Variants in SGTB observed in about 807,000 individuals in gnomAD.
The protein encoded by SGTB is small glutamine rich tetratricopeptide repeat co-chaperone beta.
SGTB carries 19 observed loss-of-function variants against 43.9 expected under a neutral mutation model. The ratio of observed to expected loss-of-function variants is 0.43; its 90% CI spans 0.30 to 0.63. The LOEUF (loss-of-function observed/expected upper bound fraction) is 0.63, where lower values mean the gene tolerates loss of function less well. Ranked by LOEUF, SGTB falls within the 30% of genes least tolerant of loss-of-function variation. The pLI is 0.12. For synonymous variants in SGTB, 116 were observed against 117.3 expected (o/e 0.99, Z 0.07); for missense variants, 304 against 358.9 (o/e 0.85, Z 1.24).
In SGTB at chr5:65,672,140, G is replaced by A. The variant is rs1004955986; in HGVS notation, c.719+104C>T. 8 of 1,580,228 alleles carry A rather than the reference G, an allele frequency of 5.1e-6. No individual in the cohort carries two copies. The African/African-American group carries it at 5.4e-5, about 11-fold the overall frequency. ...GTGTGGCTTTAAGCTCCAACTGACT[G>A]TCATTCAGAACAGTTTCATCATTTT... On this transcript the variant is annotated intron_variant, in intron 9 of 10. Transcript: ENST00000381007.
chr5:65,673,817 A>T (rs1208770645), intron 8 of SGTB, among the ~76,000 whole-genome samples: 1 of 152,008 alleles, frequency 6.6e-6, no homozygotes, highest in Non-Finnish European at 1.5e-5. Flanking sequence ...CACCATGCCC[A>T]GCTAATTTTT....
chr5:65,689,916 A>T (rs928229530), intron 5 of SGTB, among the ~76,000 whole-genome samples: 9 of 151,778 alleles, frequency 5.9e-5, no homozygotes, highest in African/African-American at 1.9e-4. Context: ...AAAAAAAATT[A>T]AGATTTGAAA....
chr5:65,680,907 C>T, intron 6 of SGTB, 113 bp from the exon 7 acceptor site: 7 of 1,178,500 alleles, frequency 5.9e-6, no homozygotes, highest in Non-Finnish European at 8.2e-6. Flanking sequence ...CCAGATTACA[C>T]TTAATTTATT....
chr5:65,709,695 G>C (rs1725002929), intron 3 of SGTB, among the ~76,000 whole-genome samples: 1 of 152,110 alleles, frequency 6.6e-6, no homozygotes, highest in Non-Finnish European at 1.5e-5. Flanking sequence ...TTATATTGTA[G>C]TAAAATTAAT....
chr5:65,681,888 T>C (rs1757404594), intron 6 of SGTB, among the ~76,000 whole-genome samples: 2 of 151,970 alleles, frequency 1.3e-5, no homozygotes, highest in African/African-American at 4.8e-5. Flanking sequence ...GGCATGAGAA[T>C]TGCTTGAATC....
At chr5:65,672,426 G>A (rs1398951309) in intron 8 of SGTB, 145 bp from the exon 9 acceptor site, 2 of 989,578 alleles carry the variant, frequency 2.0e-6, no homozygotes, top group Non-Finnish European at 3.0e-6. Context: ...AAGTAAAGGG[G>A]AATGTAAAAA....
intron 8 of SGTB, among the ~76,000 whole-genome samples, chr5:65,672,798 A>C (rs367932967): frequency 5.3e-5 from 8 of 152,236 alleles, no homozygotes; most frequent in African/African-American, 1.4e-4. Context: ...GACAATATTT[A>C]TGTAAAATTT....
At chr5:65,705,089 G>C (rs1207784949) in intron 4 of SGTB, among the ~76,000 whole-genome samples, 1 of 152,080 alleles carries the variant, frequency 6.6e-6, no homozygotes, top group Non-Finnish European at 1.5e-5. Context: ...ATTTCCTATG[G>C]GTATTTTTTG....
intron 9 of SGTB, 22 bp downstream of exon 9, chr5:65,672,222 T>C: frequency 1.2e-6 from 2 of 1,613,838 alleles, no homozygotes; most frequent in Non-Finnish European, 1.7e-6. Context: ...GGAAGTGTAA[T>C]AAGCTCTTTC....
At chr5:65,722,289 C>G (rs1758322378), upstream of SGTB, 10 of 1,119,286 alleles carry the variant, frequency 8.9e-6, no homozygotes, top group South Asian at 1.6e-4. Flanking sequence ...GCTCGAGACT[C>G]CCGGGCGCCC....
chr5:65,675,645 C>G (rs113528044), intron 8 of SGTB, among the ~76,000 whole-genome samples: 1 of 152,178 alleles, frequency 6.6e-6, no homozygotes, highest in African/African-American at 2.4e-5. Context: ...AACAGCAGAT[C>G]TCTCAGCAGA....
At chr5:65,676,472 C>T (rs1210161538) in intron 8 of SGTB, among the ~76,000 whole-genome samples, 1 of 152,148 alleles carries the variant, frequency 6.6e-6, no homozygotes, top group African/African-American at 2.4e-5. Flanking sequence ...ACTAGACTCC[C>T]ACACAATAAT....
intron 2 of SGTB, among the ~76,000 whole-genome samples, chr5:65,716,218 A>C (rs757646350): frequency 1.3e-5 from 2 of 152,246 alleles, no homozygotes; most frequent in African/African-American, 2.4e-5. Flanking sequence ...CTTAGGCAAG[A>C]GGATATGGTA....
intron 5 of SGTB, among the ~76,000 whole-genome samples, chr5:65,689,897 C>T (rs904766210): frequency 2.2e-5 from 3 of 136,194 alleles, no homozygotes. Context: ...TAGTCCTTTG[C>T]TTCAGTTTAA....
chr5:65,720,900 A>G, intron 1 of SGTB, 71 bp from the exon 2 acceptor site: 1 of 1,472,834 alleles, frequency 6.8e-7, no homozygotes, highest in Non-Finnish European at 9.2e-7. Flanking sequence ...ATAAATTACA[A>G]AGATGATATG....
intron 5 of SGTB, among the ~76,000 whole-genome samples, chr5:65,686,471 C>T (rs999669767): frequency 4.4e-4 from 67 of 152,150 alleles, no homozygotes; most frequent in African/African-American, 1.5e-3. Flanking sequence ...ATCTGAGAAG[C>T]ACTACTCTTG....
chr5:65,695,491 G>A (rs901858465), intron 5 of SGTB, among the ~76,000 whole-genome samples: 4 of 152,174 alleles, frequency 2.6e-5, no homozygotes, highest in Non-Finnish European at 2.9e-5. Flanking sequence ...AAGATGAAGC[G>A]AAACATGCCA....
intron 2 of SGTB, among the ~76,000 whole-genome samples, chr5:65,718,876 C>T (rs1489901988): frequency 6.6e-6 from 1 of 151,708 alleles, no homozygotes; most frequent in African/African-American, 2.4e-5. Context: ...CCTCAATTTT[C>T]TTTCTGGCCC....
chr5:65,686,197 G>A (rs1463904774), intron 5 of SGTB, among the ~76,000 whole-genome samples: 1 of 152,168 alleles, frequency 6.6e-6, no homozygotes, highest in Non-Finnish European at 1.5e-5. Context: ...AAGTTTCTTG[G>A]ACCAAGGAGG....
Sources: allele counts gnomAD v4.1 joint callset (sites outside exome capture counted in the v4.1 genomes callset), GRCh38; gene constraint gnomAD v4.1.1; transcripts MANE v1.5; gene names NCBI Gene and HGNC (gene_info 2026-07-23, HGNC 2026-07-21).